The following ZC3H7A variants were observed in gnomAD, a reference collection of about 807,000 sequenced individuals.
ZC3H7A encodes the protein zinc finger CCCH domain-containing protein 7A.
A neutral mutation model predicts 125.5 loss-of-function variants in ZC3H7A; 44 were observed. The observed-to-expected ratio is 0.35, with a 90% confidence interval of 0.28 to 0.45. The LOEUF (loss-of-function observed/expected upper bound fraction) is 0.45, where lower values mean the gene tolerates loss of function less well. Ranked by LOEUF, ZC3H7A falls within the 20% of genes least tolerant of loss-of-function variation. The pLI, the probability that ZC3H7A is intolerant of heterozygous loss-of-function variation, is 1.00. For synonymous variants in ZC3H7A, 399 were observed against 391.2 expected (o/e 1.02, Z -0.23); for missense variants, 977 against 1,170.7 (o/e 0.83, Z 2.41).
chr16:11,767,607 T>G lies in ZC3H7A; in HGVS notation c.1361-29A>C. 2.0e-6 allele frequency: 3 copies of G among 1,501,592 alleles called. No homozygotes were observed. The South Asian group carries it at 4.1e-5, about 20-fold the overall frequency. 93.0% of individuals were successfully genotyped at this position (1,501,592 alleles called of 1,614,324 possible). ...AAAAAGATGTAAAGAGGATTGCTTATATGCACAAAAAATATCATTTCATTT... is the reference window on the plus strand; with the variant it reads ...AAAAAGATGTAAAGAGGATTGCTTAGATGCACAAAAAATATCATTTCATTT... On this transcript the variant is annotated intron_variant, in intron 12 of 22. Transcript: ENST00000355758.
intron 9 of ZC3H7A, among the ~76,000 whole-genome samples, chr16:11,773,877 C>T (rs914320414): frequency 1.3e-5 from 2 of 151,232 alleles, no homozygotes; most frequent in East Asian, 1.9e-4. Flanking sequence ...AGCAAGACTC[C>T]GTCTCAAAAA....
intron 17 of ZC3H7A, 67 bp from the exon 18 acceptor site, chr16:11,762,110 TAAATC>T: frequency 6.9e-7 from 1 of 1,441,650 alleles, no homozygotes; most frequent in African/African-American, 1.4e-5. Context: ...GACAAAATAC[TAAATC>T]AAGATGCATT....
intron 1 of ZC3H7A, chr16:11,782,598 ATTC>A: frequency 3.9e-5 from 9 of 229,520 alleles, no homozygotes; most frequent in South Asian, 9.9e-5. Flanking sequence ...CCGTTTTCAT[ATTC>A]TTTTTTTTTT....
intron 20 of ZC3H7A, 68 bp downstream of exon 20, chr16:11,758,363 A>G: frequency 8.6e-7 from 1 of 1,164,652 alleles, no homozygotes; most frequent in Non-Finnish European, 1.3e-6. Context: ...GGAAGCTGGC[A>G]TATTTATAGA....
At chr16:11,762,586 G>A (rs894628371) in intron 17 of ZC3H7A, 85 bp downstream of exon 17, 33 of 1,260,274 alleles carry the variant, frequency 2.6e-5, no homozygotes, top group Non-Finnish European at 3.7e-5. Flanking sequence ...GACTGTAAGT[G>A]TTAACTGCAT....
intron 20 of ZC3H7A, among the ~76,000 whole-genome samples, chr16:11,758,009 G>C (rs2141161793): frequency 6.6e-6 from 1 of 152,302 alleles, no homozygotes; most frequent in African/African-American, 2.4e-5. Context: ...TTGGACCTCT[G>C]ATTCTGAGCC....
In ZC3H7A at chr16:11,770,920, G is replaced by A. The variant is rs749811753; in HGVS notation, c.971C>T (p.Ser324Leu). ...SVSPSMPFSA[S>L]LLGTLPIGAR... ...ACCAATGGGTAAGGTTCCTAACAGC[G>A]ATGCCGAAAAGGGCATGCTAGGAGA... Residue 324 changes from serine to leucine, a missense_variant, in exon 10 of 23, where the codon TCG (serine) becomes TTG (leucine). Transcript: ENST00000355758. 1.4e-5 allele frequency: 23 copies of A among 1,613,958 alleles called. No individual in the cohort carries two copies. Among genetic ancestry groups the A allele is most frequent in the East Asian group, 4.5e-5 (2 of 44,894 alleles).
chr16:11,791,788 G>GT lies in ZC3H7A; in HGVS notation c.-35+5335_-35+5336insA, dbSNP rs1596408456. Among the ~76,000 whole-genome samples the GT allele has an allele frequency of 2.0e-5, 3 of 152,238 alleles. No individual in the cohort carries two copies. The East Asian group carries it at 5.8e-4, about 29-fold the overall frequency. On this transcript the variant is annotated intron_variant, in intron 1 of 22. Transcript: ENST00000355758. ...GAAGTGAATCAATATAGTGGGAACT[G>GT]CCTGGAGACAGCGACGGAAAAAAAC...
In ZC3H7A at chr16:11,765,189, C is replaced by T; in HGVS notation, c.1720-36G>A. Reference sequence around the variant, plus strand: ...GAGAGAAAGATTATCAAAAAAAATACAAAATATAAATTTTGTACCCAGAAT... The same window carrying T: ...GAGAGAAAGATTATCAAAAAAAATATAAAATATAAATTTTGTACCCAGAAT... On this transcript the variant is annotated intron_variant, in intron 14 of 22. Transcript: ENST00000355758. This position sits in a 1 kb window ranked among gnomAD's most constrained non-coding sequence, Gnocchi z 4.8. The T allele has an allele frequency of 7.6e-7, 1 of 1,321,084 alleles. No individual in the cohort carries two copies. Among genetic ancestry groups the T allele is most frequent in the Non-Finnish European group, 1.0e-6 (1 of 966,174 alleles). 81.8% of individuals were successfully genotyped at this position (1,321,084 alleles called of 1,614,324 possible). A position where few individuals can be genotyped will look rare whatever the true frequency, so the allele number is the denominator to read the frequency against.
chr16:11,765,174 T>G lies in ZC3H7A; in HGVS notation c.1720-21A>C. The G allele has an allele frequency of 7.0e-7, 1 of 1,421,686 alleles. No individual in the cohort carries two copies. The highest frequency in any genetic ancestry group is 9.5e-7 in the Non-Finnish European group (1 of 1,050,458). 88.1% of individuals were successfully genotyped at this position (1,421,686 alleles called of 1,614,324 possible). Reference sequence around the variant, plus strand: ...CATTTCTGGAATAGAGAGAGAAAGATTATCAAAAAAAATACAAAATATAAA... The same window carrying G: ...CATTTCTGGAATAGAGAGAGAAAGAGTATCAAAAAAAATACAAAATATAAA... On this transcript the variant is annotated intron_variant, in intron 14 of 22. Transcript: ENST00000355758. This position sits in a 1 kb window ranked among gnomAD's most constrained non-coding sequence, Gnocchi z 4.8.
chr16:11,761,383 T>G, intron 19 of ZC3H7A, 23 bp downstream of exon 19: 1 of 1,605,718 alleles, frequency 6.2e-7, no homozygotes, highest in East Asian at 2.2e-5. Context: ...TTAAAAAAAG[T>G]GGCTTAAAAA....
In ZC3H7A at chr16:11,776,520, T is replaced by C. The variant is rs770273673; in HGVS notation, c.478A>G (p.Ile160Val). ...SLAVPQDEHVIKLTQELAQKL... is the reference protein window; with the variant it reads ...SLAVPQDEHVVKLTQELAQKL... ...TGAGCTAGTTCTTGAGTTAGTTTTA[T>C]TACATGCTCATCCTGAAAAAAATAA... Residue 160 changes from isoleucine to valine, a missense_variant, in exon 6 of 23, where the codon ATA (isoleucine) becomes GTA (valine). By Grantham distance (29) the Ile-to-Val change is conservative. Coordinates refer to ENST00000355758, the MANE Select transcript of ZC3H7A (RefSeq NM_014153.4). 6.2e-7 allele frequency: 1 copy of C among 1,610,098 alleles called. No homozygotes were observed. Among genetic ancestry groups the C allele is most frequent in the South Asian group, 1.1e-5 (1 of 89,680 alleles).
rs8743 is a variant in ZC3H7A, at chr16:11,758,498, A to C, written c.2361T>G (p.Val787=). ...HIASGKKCQY[V]GNCSFAHSPE... ...GACTATGAGCAAAGGAACAGTTTCC[A>C]ACATATTGACATTTTTTCCCAGAAG... Residue 787 remains valine (V), a synonymous_variant, in exon 20 of 23, where the codon GTT becomes GTG. Transcript: ENST00000355758. 698,522 of 1,611,116 alleles carry C rather than the reference A, an allele frequency of 0.43. 154,964 individuals are homozygous for C. The highest frequency in any genetic ancestry group is 0.6 in the African/African-American group (45,062 of 74,858).
chr16:11,751,432 T>C lies in ZC3H7A; in HGVS notation c.2801A>G (p.Glu934Gly), dbSNP rs764522734. 3.1e-6 allele frequency: 5 copies of C among 1,614,210 alleles called. No individual in the cohort carries two copies. The highest frequency in any genetic ancestry group is 2.2e-5 in the South Asian group (2 of 91,076). Residue 934 changes from glutamate (E) to glycine (G), a missense_variant, in exon 23 of 23, where the codon GAA (glutamate) becomes GGA (glycine). By Grantham distance (98) the Glu-to-Gly change is moderately conservative. Transcript: ENST00000355758. Reference sequence around the variant, plus strand: ...CATCTTTAGGGCATCTCTTCTTTCTTCCCATTCATGAAGTTCGGCATTTCC... The same window carrying C: ...CATCTTTAGGGCATCTCTTCTTTCTCCCCATTCATGAAGTTCGGCATTTCC... ...AHGNAELHEW[E>G]ERRDALKMKL...
rs2052551659 is a variant in ZC3H7A at position 11,751,471 on chromosome 16, C to T, written c.2762G>A (p.Cys921Tyr). 1 of 1,614,140 alleles carries T rather than the reference C, an allele frequency of 6.2e-7. No individual in the cohort carries two copies. The highest frequency in any genetic ancestry group is 8.5e-7 in the Non-Finnish European group (1 of 1,180,018). ...TTCGGCATTTCCATGTGCAAATTTA[C>T]AGCTGTTTCCTTCTGGGCAGGTGCC... ...MNGTCPEGNS[C>Y]KFAHGNAELH... The change falls in exon 23 of 23, where the codon TGT becomes TAT. Residue 921 changes from cysteine to tyrosine, a missense_variant. Physicochemically the swap from Cys to Tyr is radical, Grantham distance 194. This residue lies in a region of ZC3H7A where 436 missense variants were observed against 603.2 expected (regional missense o/e 0.72). Transcript: ENST00000355758.
At chr16:11,767,610 G>A (rs1172064250) in intron 12 of ZC3H7A, 32 bp from the exon 13 acceptor site, 17 of 1,488,266 alleles carry the variant, frequency 1.1e-5, no homozygotes, top group Non-Finnish European at 1.4e-5. Flanking sequence ...TTGCTTATAT[G>A]CACAAAAAAT....
chr16:11,763,762 TATATATAA>T (rs1272801778), intron 15 of ZC3H7A, 103 bp from the exon 16 acceptor site: 3 of 163,064 alleles, frequency 1.8e-5, no homozygotes, highest in Admixed American at 8.6e-5. Flanking sequence ...TATATATATA[TATATATAA>T]AGTTCTACAC....
At chr16:11,759,154 T>C (rs1260001319) in intron 19 of ZC3H7A, 1 of 152,216 alleles carries the variant, frequency 6.6e-6, no homozygotes. Context: ...GTGATACTGG[T>C]AGGAAAATAA....
intron 1 of ZC3H7A, among the ~76,000 whole-genome samples, chr16:11,785,666 C>G (rs907542443): frequency 6.6e-6 from 1 of 152,152 alleles, no homozygotes; most frequent in Non-Finnish European, 1.5e-5. Context: ...GTCACGCAGG[C>G]TGGAGTGCAG....
Sources: gnomAD v4.1 joint callset for allele counts (sites outside exome capture counted in the v4.1 genomes callset) on GRCh38, gnomAD v4.1.1 for gene constraint, gnomAD v4.1.1 regional missense constraint, Gnocchi (gnomAD v3.1) non-coding constraint, MANE v1.5 for transcripts, NCBI Gene and HGNC (gene_info 2026-07-23, HGNC 2026-07-21) for gene names.